EIF3H: variants seen among roughly 807,000 people sequenced by gnomAD.
EIF3H encodes the protein eIF-3-gamma.
Under a neutral mutation model 44.2 loss-of-function variants are expected in EIF3H, and 26 were observed. The observed-to-expected ratio is 0.59, with a 90% confidence interval of 0.43 to 0.82. EIF3H has a LOEUF of 0.82. Among genes scored for constraint, EIF3H ranks in the 40% least tolerant of loss-of-function variants. The probability of loss-of-function intolerance (pLI) is 0.00; values close to 1 mark genes in which losing one functional copy is unlikely to be tolerated. For missense variants in EIF3H, 359 were observed against 432.8 expected, an observed-to-expected ratio of 0.83 and a Z score of 1.51; for synonymous variants, 166 against 151.9, an observed-to-expected ratio of 1.09 and a Z score of -0.68.
At chr8:116,700,177 G>A (rs1006184802) in intron 2 of EIF3H, among the ~76,000 whole-genome samples, 1 of 152,134 alleles carries the variant, frequency 6.6e-6, no homozygotes, top group Non-Finnish European at 1.5e-5. Context: ...GTGCCAAGTT[G>A]CCACTTAGAA....
intron 5 of EIF3H, among the ~76,000 whole-genome samples, chr8:116,652,370 T>C (rs535517433): frequency 6.6e-6 from 1 of 152,290 alleles, no homozygotes; most frequent in South Asian, 2.1e-4. Context: ...GACATCAAAA[T>C]TCTATCGAGA....
At chr8:116,717,994 C>G (rs1814682070) in intron 2 of EIF3H, among the ~76,000 whole-genome samples, 1 of 152,050 alleles carries the variant, frequency 6.6e-6, no homozygotes, top group Admixed American at 6.6e-5. Context: ...ATCTATATAA[C>G]CGACAAAGGA....
At chr8:116,683,374 C>T (rs777564315) in intron 2 of EIF3H, among the ~76,000 whole-genome samples, 2 of 152,120 alleles carry the variant, frequency 1.3e-5, no homozygotes, top group Admixed American at 6.5e-5. Context: ...TGCAGATGGC[C>T]GGCCATTTTC....
At chr8:116,651,257 G>C (rs1813386951) in intron 5 of EIF3H, among the ~76,000 whole-genome samples, 1 of 152,168 alleles carries the variant, frequency 6.6e-6, no homozygotes, top group Admixed American at 6.5e-5. Context: ...AGAGAAAAGT[G>C]AGCAGAAATG....
intron 2 of EIF3H, among the ~76,000 whole-genome samples, chr8:116,719,635 A>T (rs1018487952): frequency 2.0e-5 from 3 of 152,204 alleles, no homozygotes; most frequent in African/African-American, 4.8e-5. Flanking sequence ...GAATATTTTT[A>T]AAATTCTCAT....
At chr8:116,739,472 A>C (rs1815095679) in intron 1 of EIF3H, among the ~76,000 whole-genome samples, 1 of 152,144 alleles carries the variant, frequency 6.6e-6, no homozygotes. Flanking sequence ...AAAACGGTGA[A>C]ACCCCATCTC....
chr8:116,725,041 G>A (rs1401676962), intron 2 of EIF3H, among the ~76,000 whole-genome samples: 2 of 152,162 alleles, frequency 1.3e-5, no homozygotes, highest in Admixed American at 6.5e-5. Context: ...AACTTCCATC[G>A]CCAGATGGCT....
chr8:116,724,710 G>A (rs888905136), intron 2 of EIF3H, among the ~76,000 whole-genome samples: 1 of 152,160 alleles, frequency 6.6e-6, no homozygotes, highest in Non-Finnish European at 1.5e-5. Context: ...GTAATCATCA[G>A]AAGTGCAATT....
chr8:116,754,875 T>G (rs1051882898), intron 1 of EIF3H, among the ~76,000 whole-genome samples: 5 of 152,230 alleles, frequency 3.3e-5, no homozygotes, highest in South Asian at 2.1e-4. Context: ...TTATTACAAA[T>G]ATCTAAGATC....
At chr8:116,658,612 A>G in intron 3 of EIF3H, 2 of 518,634 alleles carry the variant, frequency 3.9e-6, no homozygotes, top group East Asian at 3.3e-5. Context: ...AAATGTACAC[A>G]TCAGGGCTCT....
intron 2 of EIF3H, among the ~76,000 whole-genome samples, chr8:116,722,384 TC>T (rs1363534568): frequency 6.6e-6 from 1 of 152,214 alleles, no homozygotes; most frequent in East Asian, 1.9e-4. Flanking sequence ...TATGTCTTTA[TC>T]AGCAGCATGA....
At chr8:116,712,105 C>T (rs1031406724) in intron 2 of EIF3H, among the ~76,000 whole-genome samples, 3 of 152,134 alleles carry the variant, frequency 2.0e-5, no homozygotes, top group African/African-American at 4.8e-5. Context: ...CTGCTGCTGC[C>T]GCCGCCGCCG....
intron 1 of EIF3H, among the ~76,000 whole-genome samples, chr8:116,743,690 G>A (rs942891975): frequency 1.3e-5 from 2 of 150,456 alleles, no homozygotes; most frequent in Non-Finnish European, 3.0e-5. Flanking sequence ...CCCCAGAGGT[G>A]GAGGCTGCAG....
At chr8:116,747,857 C>A (rs1177752014) in intron 1 of EIF3H, among the ~76,000 whole-genome samples, 4 of 152,150 alleles carry the variant, frequency 2.6e-5, no homozygotes, top group African/African-American at 9.7e-5. Context: ...CACCTGTAAT[C>A]CCAACATTTT....
At chr8:116,751,194 A>G (rs1289625537) in intron 1 of EIF3H, among the ~76,000 whole-genome samples, 2 of 151,556 alleles carry the variant, frequency 1.3e-5, no homozygotes, top group East Asian at 3.9e-4. Flanking sequence ...CCTGGGCGAC[A>G]GAGCGAGACT....
chr8:116,763,646 T>C (rs976583782), intron 1 of EIF3H, among the ~76,000 whole-genome samples: 3 of 152,310 alleles, frequency 2.0e-5, no homozygotes, highest in African/African-American at 7.2e-5. Flanking sequence ...TGTCGTAAAA[T>C]ATTTATTTAG....
intron 2 of EIF3H, among the ~76,000 whole-genome samples, chr8:116,680,205 G>GGA (rs1813956033): frequency 1.6e-5 from 1 of 61,238 alleles, no homozygotes; most frequent in Admixed American, 1.3e-4. Flanking sequence ...GGGTGGGGGG[G>GGA]GGGGTCAGCC....
At chr8:116,692,646 A>G (rs546944042) in intron 2 of EIF3H, among the ~76,000 whole-genome samples, 1 of 152,340 alleles carries the variant, frequency 6.6e-6, no homozygotes, top group South Asian at 2.1e-4. Flanking sequence ...AGTTTGTCCT[A>G]CAGAAAACAA....
chr8:116,677,713 A>G (rs1813872752), intron 2 of EIF3H, among the ~76,000 whole-genome samples: 2 of 152,242 alleles, frequency 1.3e-5, no homozygotes, highest in South Asian at 2.1e-4. Context: ...CCATATAATA[A>G]TAAGTGACAA....
Sources: allele counts gnomAD v4.1 joint callset (sites outside exome capture counted in the v4.1 genomes callset), GRCh38; gene constraint gnomAD v4.1.1; transcripts MANE v1.5; gene names NCBI Gene and HGNC (gene_info 2026-07-23, HGNC 2026-07-21).